Variants in WDR64 observed in about 807,000 individuals in gnomAD.
WDR64 encodes the protein WD repeat-containing protein 64.
Under a neutral mutation model 139.3 loss-of-function variants are expected in WDR64, and 112 were observed. The ratio of observed to expected loss-of-function variants is 0.80; its 90% CI spans 0.69 to 0.94. WDR64 has a LOEUF of 0.94. Among genes scored for constraint, WDR64 ranks in the 40% least tolerant of loss-of-function variants. The pLI is 0.00. For missense variants in WDR64, 1,206 were observed against 1,293.1 expected, an observed-to-expected ratio of 0.93 and a Z score of 1.03; for synonymous variants, 444 against 437.7, an observed-to-expected ratio of 1.01 and a Z score of -0.18.
intron 10 of WDR64, among the ~76,000 whole-genome samples, chr1:241,725,537 T>C (rs992242166): frequency 2.0e-5 from 3 of 151,952 alleles, no homozygotes; most frequent in East Asian, 3.9e-4. Flanking sequence ...CACGGAACTA[T>C]GCGAATCTCC....
Position 241,738,424 on chromosome 1 carries a change from G to C in WDR64, c.1256G>C (p.Gly419Ala). The change falls in exon 11 of 28, where the codon GGA (glycine) becomes GCA (alanine). Residue 419 changes from glycine to alanine, a missense_variant. By Grantham distance (60) the Gly-to-Ala change is moderately conservative (BLOSUM62 0). Transcript: ENST00000437684. The part of the protein sequence containing the change: ...SLLQVFHDSQ[G>A]GPGDMQIYSM... ...TTACAAGTCTTCCATGACAGCCAGG[G>C]AGGACCAGGAGACATGCAGATTTAC... The C allele has an allele frequency of 6.2e-7, 1 of 1,613,850 alleles. No homozygotes were observed. The highest frequency in any genetic ancestry group is 8.5e-7 in the Non-Finnish European group (1 of 1,179,860).
intron 21 of WDR64, among the ~76,000 whole-genome samples, chr1:241,777,801 A>T (rs1008022883): frequency 2.0e-5 from 3 of 152,028 alleles, no homozygotes; most frequent in Non-Finnish European, 4.4e-5. Flanking sequence ...ATTCTACCTA[A>T]TCTCCAAGTA....
At chr1:241,672,545 GAACA>G (rs779593984) in intron 3 of WDR64, among the ~76,000 whole-genome samples, 36 of 152,172 alleles carry the variant, frequency 2.4e-4, no homozygotes, top group Non-Finnish European at 4.1e-4. Context: ...ACAGAGCGGT[GAACA>G]AACAGACACA....
At chr1:241,770,996 AT>A (rs1285955888) in intron 18 of WDR64, among the ~76,000 whole-genome samples, 2 of 152,228 alleles carry the variant, frequency 1.3e-5, no homozygotes, top group East Asian at 1.9e-4. Flanking sequence ...AAAGTAAGTA[AT>A]TTTAGACCAT....
Position 241,801,138 on chromosome 1 carries a change from C to A in WDR64, c.3199C>A (p.Arg1067=). ...CATGCTCTTTATTTCACAGGCACCA[C>A]GAAGAAGAAGTTTGAAAAAAAATTT... The part of the protein sequence containing the change: ...GGHVQREKAP[R]RRSLKKNLVP... The change falls in exon 28 of 28, where the codon CGA becomes AGA. Residue 1067 remains arginine (R), a synonymous_variant. Transcript: ENST00000437684. 3 of 1,613,086 alleles carry A rather than the reference C, an allele frequency of 1.9e-6. No homozygotes were observed. Among genetic ancestry groups the A allele is most frequent in the South Asian group, 1.1e-5 (1 of 90,988 alleles).
chr1:241,752,563 T>C (rs1352116124), intron 14 of WDR64, among the ~76,000 whole-genome samples: 3 of 152,198 alleles, frequency 2.0e-5, no homozygotes, highest in African/African-American at 7.2e-5. Context: ...TAAAAACCAC[T>C]GTTGGGCTGG....
intron 9 of WDR64, among the ~76,000 whole-genome samples, chr1:241,718,309 C>A (rs561777537): frequency 1.3e-5 from 2 of 152,234 alleles, no homozygotes; most frequent in South Asian, 4.1e-4. Context: ...AAGAAGGAGT[C>A]TGAACTCCGT....
intron 13 of WDR64, among the ~76,000 whole-genome samples, chr1:241,748,948 AAAAAG>A (rs1185578013): frequency 1.3e-5 from 2 of 151,434 alleles, no homozygotes; most frequent in Non-Finnish European, 2.9e-5. Context: ...TAAAAAAAAA[AAAAAG>A]AAAGAAAGAA....
chr1:241,749,661 A>G lies in WDR64; in HGVS notation c.1709A>G (p.Gln570Arg). Residue 570 changes from glutamine to arginine, a missense_variant, in exon 14 of 28, where the codon CAA becomes CGA. Physicochemically the swap from Gln to Arg is conservative, Grantham distance 43. Coordinates refer to ENST00000437684, the MANE Select transcript of WDR64 (RefSeq NM_001367482.1). ...CGACGCCTCATTTTCCTCAAAGCCC[A>G]AGAAAAACACCAGCAGCTGGTCCTG... is the stretch of plus-strand genomic sequence containing the variant. ...CLRRLIFLKA[Q>R]EKHQQLVLAL... is the part of the protein sequence containing the mutation. 1 of 1,614,146 alleles carries G rather than the reference A, an allele frequency of 6.2e-7. No individual in the cohort carries two copies. The highest frequency in any genetic ancestry group is 8.5e-7 in the Non-Finnish European group (1 of 1,180,010).
chr1:241,799,115 C>G (rs1659447038), intron 27 of WDR64, among the ~76,000 whole-genome samples: 1 of 138,372 alleles, frequency 7.2e-6, no homozygotes, highest in Admixed American at 8.3e-5. Flanking sequence ...CCTGTAATCC[C>G]AGCACTTTGG....
intron 7 of WDR64, among the ~76,000 whole-genome samples, chr1:241,685,096 T>A (rs1666955335): frequency 6.6e-6 from 1 of 151,694 alleles, no homozygotes. Context: ...TAGTGTCCAA[T>A]AAAAGGGGAA....
intron 3 of WDR64, among the ~76,000 whole-genome samples, chr1:241,673,818 G>C (rs1666343879): frequency 6.6e-6 from 1 of 152,180 alleles, no homozygotes; most frequent in Middle Eastern, 3.4e-3. Flanking sequence ...AAAGTGTCTA[G>C]CTAGTCTTTT....
In WDR64 at chr1:241,672,433, G is replaced by A. The variant is rs116879007; in HGVS notation, c.379+1257G>A. On this transcript the variant is annotated intron_variant, in intron 3 of 27. Transcript: ENST00000437684. ...GGCAGTCTATGTTAGGGCTTTGCAAGTATTTTTCTAGATGGCAGTTGCATT... is the reference window on the plus strand; with the variant it reads ...GGCAGTCTATGTTAGGGCTTTGCAAATATTTTTCTAGATGGCAGTTGCATT... Among the ~76,000 whole-genome samples, 301 of 152,316 alleles carry A rather than the reference G, an allele frequency of 2.0e-3. 10 individuals are homozygous for A. The East Asian group carries it at 0.051, about 26-fold the overall frequency.
rs143721076 is a variant in WDR64 at position 241,760,922 on chromosome 1, C to T, written c.1947+3463C>T. 9.1e-4 allele frequency among the ~76,000 whole-genome samples: 139 copies of T among 152,014 alleles called. 4 individuals are homozygous for T. In the East Asian group the frequency reaches 0.024, roughly 26 times the overall value. On this transcript the variant is annotated intron_variant, in intron 15 of 27. Transcript: ENST00000437684. ...CTGGGATTACAGGCGCCCACCACCA[C>T]GCCCGGCTAGTTTCCATTTTTGACA...
chr1:241,784,204 C>A (rs1658950648), intron 23 of WDR64, among the ~76,000 whole-genome samples: 1 of 152,154 alleles, frequency 6.6e-6, no homozygotes, highest in Non-Finnish European at 1.5e-5. Flanking sequence ...GATCCTTCCC[C>A]TGAAAGAAAT....
At chr1:241,652,753 G>T (rs1665409663) in intron 1 of WDR64, 124 bp downstream of exon 1, 1 of 1,161,310 alleles carries the variant, frequency 8.6e-7, no homozygotes, top group African/African-American at 1.6e-5. Context: ...AGGGGATGAA[G>T]ACCTCAGTTC....
At chr1:241,787,665 CAAAAAAAA>C (rs58063137) in intron 23 of WDR64, among the ~76,000 whole-genome samples, 176 bp from the exon 24 acceptor site, 1 of 116,632 alleles carries the variant, frequency 8.6e-6, no homozygotes, top group Non-Finnish European at 1.8e-5. Context: ...AACTCCATCT[CAAAAAAAA>C]AAAAAAAAAG....
chr1:241,760,401 C>T (rs1198287977), intron 15 of WDR64, among the ~76,000 whole-genome samples: 4 of 150,362 alleles, frequency 2.7e-5, no homozygotes, highest in Admixed American at 1.3e-4. Flanking sequence ...TCCTGATAAC[C>T]GGAAGCCTCA....
chr1:241,732,812 C>A (rs1195586218), intron 10 of WDR64, among the ~76,000 whole-genome samples: 2 of 151,258 alleles, frequency 1.3e-5, no homozygotes, highest in Non-Finnish European at 2.9e-5. Flanking sequence ...AAGAGTGAAA[C>A]TCTGTCAAAA....
Sources: gnomAD v4.1 joint callset for allele counts (sites outside exome capture counted in the v4.1 genomes callset) on GRCh38, gnomAD v4.1.1 for gene constraint, MANE v1.5 for transcripts, NCBI Gene and HGNC (gene_info 2026-07-23, HGNC 2026-07-21) for gene names.